CACNA1E: variants seen among roughly 807,000 people sequenced by gnomAD.
The protein encoded by CACNA1E is calcium voltage-gated channel subunit alpha1 E.
In CACNA1E, 40 loss-of-function variants were observed where a neutral mutation model predicts 259.2. The observed-to-expected ratio is 0.15, with a 90% CI of 0.12 to 0.20. The LOEUF is 0.20. CACNA1E is among the 10% of genes least tolerant of loss of function. The pLI is 1.00. For synonymous variants in CACNA1E, 1,104 were observed against 1,138.5 expected (o/e 0.97, Z 0.61); for missense variants, 1,874 against 3,040.1 (o/e 0.62, Z 9.02).
chr1:181,790,646 G>GA (rs1415874179), intron 44 of CACNA1E, 90 bp downstream of exon 44: 1 of 870,834 alleles, frequency 1.1e-6, no homozygotes, highest in Non-Finnish European at 1.9e-6. Flanking sequence ...GGTCCGTCAG[G>GA]AAAATCCATT....
intron 18 of CACNA1E, among the ~76,000 whole-genome samples, chr1:181,729,975 T>A (rs1024460404): frequency 6.6e-6 from 1 of 152,186 alleles, no homozygotes; most frequent in African/African-American, 2.4e-5. Context: ...TGCAGGTCAC[T>A]GATGCTGAGG....
Position 181,756,015 on chromosome 1 carries a change from G to T in CACNA1E, c.4049G>T (p.Arg1350Leu). 6.2e-7 allele frequency: 1 copy of T among 1,613,810 alleles called. No individual in the cohort carries two copies. Among genetic ancestry groups the T allele is most frequent in the Non-Finnish European group, 8.5e-7 (1 of 1,179,784 alleles). ...GAGGTGAAGGGCCGGGAATGGAAGC[G>T]CCATGAATTCCACTACGACAACATT... is the stretch of plus-strand genomic sequence containing the variant. ...KMEVKGREWKRHEFHYDNIIW... is the reference protein window; with the variant it reads ...KMEVKGREWKLHEFHYDNIIW... The change falls in exon 29 of 48, where the codon CGC (arginine) becomes CTC (leucine). Residue 1350 changes from arginine (R) to leucine (L), a missense_variant. This residue lies in a region of CACNA1E where 188 missense variants were observed against 540.6 expected (regional missense o/e 0.35). Transcript: ENST00000367573.
intron 1 of CACNA1E, among the ~76,000 whole-genome samples, chr1:181,405,148 C>T (rs540400329): frequency 3.3e-5 from 5 of 152,340 alleles, no homozygotes; most frequent in South Asian, 2.1e-4. Flanking sequence ...GCAGTACCAA[C>T]GTACTCCCTT....
At chr1:181,403,217 A>AT (rs1237260418) in intron 1 of CACNA1E, among the ~76,000 whole-genome samples, 1 of 151,328 alleles carries the variant, frequency 6.6e-6, no homozygotes, top group Non-Finnish European at 1.5e-5. Context: ...ATTTCATAAG[A>AT]TTTTTTTCGA....
At chr1:181,380,334 G>A (rs756960158) in intron 1 of CACNA1E, among the ~76,000 whole-genome samples, 1 of 152,010 alleles carries the variant, frequency 6.6e-6, no homozygotes, top group Non-Finnish European at 1.5e-5. Context: ...TCAAAGTGGT[G>A]ACTTCAGCTT....
chr1:181,650,721 G>A (rs1321922471), intron 6 of CACNA1E, among the ~76,000 whole-genome samples: 1 of 152,140 alleles, frequency 6.6e-6, no homozygotes, highest in Non-Finnish European at 1.5e-5. Context: ...TTAATTCACT[G>A]AGTGTTAACA....
At chr1:181,397,189 A>T (rs549106428) in intron 1 of CACNA1E, among the ~76,000 whole-genome samples, 1 of 152,342 alleles carries the variant, frequency 6.6e-6, no homozygotes, top group African/African-American at 2.4e-5. Flanking sequence ...CAAGAGCATC[A>T]GTCCTCACTG....
intron 1 of CACNA1E, among the ~76,000 whole-genome samples, chr1:181,339,579 T>C (rs950646929): frequency 6.6e-6 from 1 of 152,038 alleles, no homozygotes; most frequent in Non-Finnish European, 1.5e-5. Flanking sequence ...CAAATAACCT[T>C]CCAAGGAAAT....
chr1:181,320,912 G>C (rs772575226), intron 1 of CACNA1E, among the ~76,000 whole-genome samples: 4 of 152,174 alleles, frequency 2.6e-5, no homozygotes, highest in Admixed American at 2.6e-4. Flanking sequence ...TTTAAAAAAA[G>C]AGGTTTATTT....
At chr1:181,710,385 A>G (rs1347939570) in intron 7 of CACNA1E, among the ~76,000 whole-genome samples, 1 of 152,226 alleles carries the variant, frequency 6.6e-6, no homozygotes, top group Non-Finnish European at 1.5e-5. Context: ...GCAACACAGC[A>G]TTGTGGTTAG....
chr1:181,351,624 T>G (rs1653051620), intron 1 of CACNA1E, among the ~76,000 whole-genome samples: 2 of 152,162 alleles, frequency 1.3e-5, no homozygotes, highest in African/African-American at 4.8e-5. Flanking sequence ...CTCTGGGGGC[T>G]GTAGAGGAGA....
intron 6 of CACNA1E, among the ~76,000 whole-genome samples, chr1:181,607,506 C>T (rs1343441259): frequency 3.9e-5 from 6 of 152,150 alleles, no homozygotes; most frequent in South Asian, 2.1e-4. Flanking sequence ...CCAGCGTGTG[C>T]GGTAGCCTGA....
At chr1:181,361,934 A>C (rs1192145173) in intron 1 of CACNA1E, among the ~76,000 whole-genome samples, 1 of 152,252 alleles carries the variant, frequency 6.6e-6, no homozygotes, top group Admixed American at 6.5e-5. Flanking sequence ...TACTCAGCAT[A>C]GTATGTGGCA....
chr1:181,540,686 A>G (rs549434833), intron 3 of CACNA1E, among the ~76,000 whole-genome samples: 2 of 152,328 alleles, frequency 1.3e-5, no homozygotes, highest in African/African-American at 4.8e-5. Context: ...ACTGACAGGG[A>G]TATGAACAAA....
intron 1 of CACNA1E, among the ~76,000 whole-genome samples, chr1:181,396,075 A>G (rs1049361653): frequency 6.6e-6 from 1 of 152,204 alleles, no homozygotes; most frequent in Non-Finnish European, 1.5e-5. Flanking sequence ...GGGCTGGAGA[A>G]TCCCATTCCA....
intron 16 of CACNA1E, among the ~76,000 whole-genome samples, chr1:181,722,793 T>G (rs1234553197): frequency 6.6e-6 from 1 of 152,156 alleles, no homozygotes; most frequent in East Asian, 1.9e-4. Flanking sequence ...TTTCCATAGT[T>G]TCATAGAGAA....
At chr1:181,642,571 G>A (rs781135977) in intron 6 of CACNA1E, among the ~76,000 whole-genome samples, 1 of 152,184 alleles carries the variant, frequency 6.6e-6, no homozygotes, top group African/African-American at 2.4e-5. Flanking sequence ...TGTTTTCAGA[G>A]CCCTTTCTGG....
rs376480654 is a variant in CACNA1E at position 181,593,758 on chromosome 1, C to T, written c.951+12982C>T. On this transcript the variant is annotated intron_variant, in intron 6 of 47. Coordinates refer to ENST00000367573, the MANE Select transcript of CACNA1E (RefSeq NM_001205293.3). ...TTCACCATATTGGCCAGGCTGGTTT[C>T]GAACTCCTGACCTCGTGATCCCCCC... 3.3e-5 allele frequency among the ~76,000 whole-genome samples: 5 copies of T among 152,174 alleles called. No individual in the cohort carries two copies. In the South Asian group the frequency reaches 6.2e-4, roughly 19 times the overall value.
chr1:181,362,220 T>G (rs1317022051), intron 1 of CACNA1E, among the ~76,000 whole-genome samples: 1 of 152,238 alleles, frequency 6.6e-6, no homozygotes, highest in African/African-American at 2.4e-5. Flanking sequence ...TTTGTCCCAA[T>G]CATGAGCACA....
Sources: gnomAD v4.1 joint callset for allele counts (sites outside exome capture counted in the v4.1 genomes callset) on GRCh38, gnomAD v4.1.1 for gene constraint, gnomAD v4.1.1 regional missense constraint, MANE v1.5 for transcripts, NCBI Gene and HGNC (gene_info 2026-07-23, HGNC 2026-07-21) for gene names.